SLC35F2: variants seen among roughly 807,000 people sequenced by gnomAD.
The protein encoded by SLC35F2 is solute carrier family 35 member F2.
SLC35F2 carries 25 observed loss-of-function variants against 38.1 expected under a neutral mutation model. That is an observed-to-expected ratio of 0.66 (90% CI 0.48 to 0.92). SLC35F2 has a LOEUF of 0.92. SLC35F2 is among the 40% of genes least tolerant of loss of function. SLC35F2 has a pLI of 0.00. For synonymous variants in SLC35F2, 173 were observed against 181.7 expected, an observed-to-expected ratio of 0.95 and a Z score of 0.38; for missense variants, 409 against 452.9, an observed-to-expected ratio of 0.90 and a Z score of 0.88.
At chr11:107,846,160 G>A (rs1246274835) in intron 1 of SLC35F2, among the ~76,000 whole-genome samples, 1 of 151,440 alleles carries the variant, frequency 6.6e-6, no homozygotes, top group Non-Finnish European at 1.5e-5. Flanking sequence ...TGTTAATACA[G>A]TAGAAATCAT....
At chr11:107,837,005 G>GA (rs1182414354) in intron 1 of SLC35F2, among the ~76,000 whole-genome samples, 1 of 152,124 alleles carries the variant, frequency 6.6e-6, no homozygotes, top group Non-Finnish European at 1.5e-5. Flanking sequence ...ACCTTGGATT[G>GA]AAACACTTTC....
intron 1 of SLC35F2, among the ~76,000 whole-genome samples, chr11:107,825,467 G>T (rs1195165786): frequency 6.6e-6 from 1 of 151,284 alleles, no homozygotes; most frequent in Non-Finnish European, 1.5e-5. Context: ...CACCTCCTGG[G>T]TTCAAGTGAT....
At chr11:107,854,270 G>GAAA (rs34425904) in intron 1 of SLC35F2, among the ~76,000 whole-genome samples, 4 of 142,008 alleles carry the variant, frequency 2.8e-5, no homozygotes, top group Non-Finnish European at 6.1e-5. Flanking sequence ...TGTCTCTACG[G>GAAA]AAAAAAAAAA....
In SLC35F2 at chr11:107,823,841, A is replaced by G. The variant is rs553145842; in HGVS notation, c.111-7876T>C. 27 of 237,000 alleles carry G rather than the reference A, an allele frequency of 1.1e-4. No individual in the cohort carries two copies. In the East Asian group the frequency reaches 4.5e-3, roughly 40 times the overall value. The allele number at this position is 237,000 out of a possible 1,614,324, so 14.7% of individuals were successfully genotyped here. On this transcript the variant is annotated intron_variant, in intron 1 of 7. Coordinates refer to ENST00000525815, the MANE Select transcript of SLC35F2 (RefSeq NM_017515.5). ...CTACTCAGGAGGCTGAGGCAAGAGAATCACTTGAACCCAGGAAGCGGAGTT... is the reference window on the plus strand; with the variant it reads ...CTACTCAGGAGGCTGAGGCAAGAGAGTCACTTGAACCCAGGAAGCGGAGTT...
intron 1 of SLC35F2, among the ~76,000 whole-genome samples, chr11:107,844,258 T>C (rs1860066339): frequency 6.6e-6 from 1 of 152,128 alleles, no homozygotes; most frequent in South Asian, 2.1e-4. Flanking sequence ...CAAAATTACC[T>C]CACCTCTCCG....
At chr11:107,816,087 G>T in intron 1 of SLC35F2, 122 bp from the exon 2 acceptor site, 1 of 1,305,936 alleles carries the variant, frequency 7.7e-7, no homozygotes, top group Non-Finnish European at 9.8e-7. Flanking sequence ...AATTATTCCA[G>T]GTGGTTCTTC....
intron 1 of SLC35F2, among the ~76,000 whole-genome samples, chr11:107,818,933 G>C (rs1294456605): frequency 6.6e-6 from 1 of 152,144 alleles, no homozygotes; most frequent in African/African-American, 2.4e-5. Flanking sequence ...TTGAGCCCAA[G>C]AGTTCAAAAC....
At chr11:107,793,774 T>C (rs1859171382) in intron 7 of SLC35F2, among the ~76,000 whole-genome samples, 1 of 152,112 alleles carries the variant, frequency 6.6e-6, no homozygotes, top group Non-Finnish European at 1.5e-5. Flanking sequence ...CAGAGCCCTG[T>C]GAGAGGCATC....
chr11:107,852,395 C>CA (rs1860200965), intron 1 of SLC35F2, among the ~76,000 whole-genome samples: 1 of 151,766 alleles, frequency 6.6e-6, no homozygotes, highest in Admixed American at 6.6e-5. Flanking sequence ...ACTAAAAATA[C>CA]AAAAAATTAG....
intron 7 of SLC35F2, among the ~76,000 whole-genome samples, chr11:107,800,227 C>T (rs1228100695): frequency 3.4e-4 from 52 of 151,944 alleles, no homozygotes; most frequent in Admixed American, 3.4e-3. Flanking sequence ...GCTATAAATA[C>T]TCCTTCAGTC....
chr11:107,795,175 TAAAC>T, intron 7 of SLC35F2, among the ~76,000 whole-genome samples: 1 of 152,166 alleles, frequency 6.6e-6, no homozygotes, highest in Admixed American at 6.5e-5. Context: ...ATTTTTCACA[TAAAC>T]AGAAAACACA....
intron 4 of SLC35F2, 98 bp from the exon 5 acceptor site, chr11:107,805,613 A>T: frequency 6.8e-7 from 1 of 1,474,802 alleles, no homozygotes; most frequent in Non-Finnish European, 8.9e-7. Flanking sequence ...CATTTAAATG[A>T]CACTAAAGAA....
intron 7 of SLC35F2, among the ~76,000 whole-genome samples, chr11:107,798,219 G>A (rs981781940): frequency 1.3e-5 from 2 of 152,012 alleles, no homozygotes; most frequent in Non-Finnish European, 2.9e-5. Flanking sequence ...GGCCGGGCTC[G>A]TCTCAAACTC....
chr11:107,849,345 A>C (rs1860140367), intron 1 of SLC35F2, among the ~76,000 whole-genome samples: 1 of 152,116 alleles, frequency 6.6e-6, no homozygotes. Flanking sequence ...AATTAGTCAC[A>C]ATAGGGATTG....
chr11:107,842,862 T>C (rs1194977158), intron 1 of SLC35F2, among the ~76,000 whole-genome samples: 1 of 152,208 alleles, frequency 6.6e-6, no homozygotes, highest in Admixed American at 6.5e-5. Flanking sequence ...TGCATAAGAC[T>C]GTTTCTAGAA....
chr11:107,804,639 TTAAAA>T (rs1277756763), intron 6 of SLC35F2, 74 bp downstream of exon 6: 30 of 1,063,004 alleles, frequency 2.8e-5, no homozygotes, highest in Non-Finnish European at 3.8e-5. Context: ...CTAAATATTA[TTAAAA>T]TAAAGCACAT....
intron 1 of SLC35F2, chr11:107,840,571 T>C (rs1227276740): frequency 6.6e-6 from 1 of 152,192 alleles, no homozygotes; most frequent in Non-Finnish European, 1.5e-5. Flanking sequence ...TTTTGTGTGA[T>C]CTAAATTGTC....
At chr11:107,831,215 TAACTTGGAAATGTGTC>T (rs1246039494) in intron 1 of SLC35F2, among the ~76,000 whole-genome samples, 1 of 152,180 alleles carries the variant, frequency 6.6e-6, no homozygotes, top group Non-Finnish European at 1.5e-5. Flanking sequence ...ATCTACAGTT[TAACTTGGAAATGTGTC>T]AACCCAAATG....
chr11:107,843,575 G>A (rs1321548162), intron 1 of SLC35F2, among the ~76,000 whole-genome samples: 1 of 151,440 alleles, frequency 6.6e-6, no homozygotes, highest in East Asian at 1.9e-4. Flanking sequence ...ATTAATTGAG[G>A]CTGAGCAGAG....
Sources: gnomAD v4.1 joint callset for allele counts (sites outside exome capture counted in the v4.1 genomes callset) on GRCh38, gnomAD v4.1.1 for gene constraint, MANE v1.5 for transcripts, NCBI Gene and HGNC (gene_info 2026-07-23, HGNC 2026-07-21) for gene names.